Variants in ZNF385D observed in about 807,000 individuals in gnomAD.
The protein encoded by ZNF385D is zinc finger protein 659.
In ZNF385D, 15 loss-of-function variants were observed where a neutral mutation model predicts 35.8. That is an observed-to-expected ratio of 0.42 (90% CI 0.28 to 0.64). The LOEUF (loss-of-function observed/expected upper bound fraction) is 0.64, where lower values mean the gene tolerates loss of function less well. Ranked by LOEUF, ZNF385D falls within the 30% of genes least tolerant of loss-of-function variation. The pLI, the probability that ZNF385D is intolerant of heterozygous loss-of-function variation, is 0.23. For missense variants in ZNF385D, 474 were observed against 494.6 expected, an observed-to-expected ratio of 0.96 and a Z score of 0.39; for synonymous variants, 212 against 186.8, an observed-to-expected ratio of 1.13 and a Z score of -1.10.
intron 2 of ZNF385D, among the ~76,000 whole-genome samples, chr3:21,651,152 G>C (rs551308255): frequency 6.6e-6 from 1 of 151,130 alleles, no homozygotes; most frequent in Non-Finnish European, 1.5e-5. Flanking sequence ...GCTGGGTGTG[G>C]TGGCGGGCGC....
intron 2 of ZNF385D, among the ~76,000 whole-genome samples, chr3:22,294,328 G>A (rs1192189590): frequency 6.6e-6 from 1 of 151,932 alleles, no homozygotes; most frequent in Non-Finnish European, 1.5e-5. Context: ...CCTCCTTAAT[G>A]AGCCTCCATT....
At chr3:22,174,723 C>A (rs919297528) in intron 2 of ZNF385D, among the ~76,000 whole-genome samples, 1 of 151,992 alleles carries the variant, frequency 6.6e-6, no homozygotes, top group Non-Finnish European at 1.5e-5. Flanking sequence ...TCTAGAGATA[C>A]TTCATGGCGA....
chr3:22,162,218 G>A (rs747083721), intron 3 of ZNF385D, among the ~76,000 whole-genome samples: 12 of 152,102 alleles, frequency 7.9e-5, no homozygotes, highest in Non-Finnish European at 1.2e-4. Context: ...CTGAGACTTT[G>A]AAGGAAACCA....
chr3:21,544,447 T>A (rs2062300773), intron 3 of ZNF385D, among the ~76,000 whole-genome samples: 1 of 152,226 alleles, frequency 6.6e-6, no homozygotes, highest in Non-Finnish European at 1.5e-5. Flanking sequence ...GTGTTTTTTT[T>A]AGTGAAAGGT....
At chr3:21,814,749 C>G (rs978008865) in intron 3 of ZNF385D, among the ~76,000 whole-genome samples, 2 of 152,128 alleles carry the variant, frequency 1.3e-5, no homozygotes, top group African/African-American at 4.8e-5. Flanking sequence ...CTTTAACACC[C>G]CACTGTCAAC....
intron 3 of ZNF385D, among the ~76,000 whole-genome samples, chr3:21,787,361 A>G (rs1258690304): frequency 6.6e-6 from 1 of 152,204 alleles, no homozygotes; most frequent in African/African-American, 2.4e-5. Context: ...GGCACAAAGA[A>G]AAGAAGTGGT....
At chr3:22,072,976 C>T (rs1167859267) in intron 3 of ZNF385D, among the ~76,000 whole-genome samples, 1 of 151,954 alleles carries the variant, frequency 6.6e-6, no homozygotes, top group East Asian at 1.9e-4. Flanking sequence ...ACTGGATTGC[C>T]TCTCAGATGG....
chr3:21,573,959 C>G (rs1051318028), intron 2 of ZNF385D, among the ~76,000 whole-genome samples: 3 of 150,422 alleles, frequency 2.0e-5, no homozygotes, highest in South Asian at 4.2e-4. Flanking sequence ...ACTTGGGAGG[C>G]TGAGTCAGGA....
intron 3 of ZNF385D, among the ~76,000 whole-genome samples, chr3:21,983,820 G>A (rs9714251): frequency 0.14 from 10,794 of 75,592 alleles, 992 homozygotes; most frequent in South Asian, 0.32. Flanking sequence ...ATCCTCTCCA[G>A]CACCTGTTGT....
At chr3:22,310,929 G>C in intron 2 of ZNF385D, among the ~76,000 whole-genome samples, 1 of 151,394 alleles carries the variant, frequency 6.6e-6, no homozygotes, top group Admixed American at 6.6e-5. Context: ...GTTTAATTTT[G>C]TTTATGAAGT....
rs370022554 is a variant in ZNF385D, at chr3:21,886,146, T to C, written c.326-221118A>G. On this transcript the variant is annotated intron_variant, in intron 3 of 5. Coordinates refer to the ZNF385D transcript ENST00000494108. ...ATTTTTCTTACAGTATCAGTAAAAA[T>C]TGGCAGCACACACTGATCCTGGCCT... is the stretch of plus-strand genomic sequence containing the variant. Among the ~76,000 whole-genome samples the C allele has an allele frequency of 1.6e-4, 25 of 152,192 alleles. No homozygotes were observed. The East Asian group carries it at 2.7e-3, about 17-fold the overall frequency.
intron 2 of ZNF385D, among the ~76,000 whole-genome samples, chr3:21,604,692 T>C (rs967650077): frequency 5.3e-5 from 8 of 152,000 alleles, no homozygotes; most frequent in African/African-American, 1.9e-4. Flanking sequence ...AGGTAATTAG[T>C]AGAATAAGGT....
At chr3:22,103,917 A>C (rs1308954753) in intron 3 of ZNF385D, among the ~76,000 whole-genome samples, 1 of 152,106 alleles carries the variant, frequency 6.6e-6, no homozygotes, top group African/African-American at 2.4e-5. Flanking sequence ...TATGGCTTTA[A>C]ATTTTTATTT....
intron 3 of ZNF385D, among the ~76,000 whole-genome samples, chr3:22,155,564 T>C (rs1705529658): frequency 6.6e-6 from 1 of 152,104 alleles, no homozygotes; most frequent in Non-Finnish European, 1.5e-5. Context: ...GACAGGATTA[T>C]GATCATAAAT....
Position 21,949,920 on chromosome 3 carries a change from T to C in ZNF385D, c.325+218897A>G, listed in dbSNP as rs557770651. ...TTTATGGCTGCATAGTATTCCATGGTGTATATGTGCCACATTTTCTTTATC... is the reference window on the plus strand; with the variant it reads ...TTTATGGCTGCATAGTATTCCATGGCGTATATGTGCCACATTTTCTTTATC... On this transcript the variant is annotated intron_variant, in intron 3 of 5. Coordinates refer to the ZNF385D transcript ENST00000494108. Among the ~76,000 whole-genome samples the C allele has an allele frequency of 2.0e-5, 3 of 152,258 alleles. No homozygotes were observed. The East Asian group carries it at 5.8e-4, about 29-fold the overall frequency.
At chr3:21,660,500 A>T (rs1268979573) in intron 2 of ZNF385D, among the ~76,000 whole-genome samples, 1 of 152,198 alleles carries the variant, frequency 6.6e-6, no homozygotes, top group Non-Finnish European at 1.5e-5. Flanking sequence ...GTCCTCATGA[A>T]CACATTCTCC....
intron 3 of ZNF385D, among the ~76,000 whole-genome samples, chr3:22,039,400 C>T (rs1698529707): frequency 6.6e-6 from 1 of 152,072 alleles, no homozygotes; most frequent in Non-Finnish European, 1.5e-5. Context: ...GGCTTCTCAA[C>T]TAGTACATGG....
intron 2 of ZNF385D, 105 bp downstream of exon 2, chr3:21,664,781 T>C (rs2066352284): frequency 8.8e-6 from 13 of 1,480,204 alleles, no homozygotes; most frequent in Non-Finnish European, 1.0e-5. Context: ...AACCATGCAA[T>C]GAACAATATA....
chr3:21,963,795 A>G (rs1702729403), intron 3 of ZNF385D, among the ~76,000 whole-genome samples: 1 of 152,188 alleles, frequency 6.6e-6, no homozygotes, highest in Non-Finnish European at 1.5e-5. Context: ...CCAGAATTCT[A>G]GAGATATAAA....
Sources: gnomAD v4.1 joint callset for allele counts (sites outside exome capture counted in the v4.1 genomes callset) on GRCh38, gnomAD v4.1.1 for gene constraint, MANE v1.5 for transcripts, NCBI Gene and HGNC (gene_info 2026-07-23, HGNC 2026-07-21) for gene names.